TUSC3: variants seen among roughly 807,000 people sequenced by gnomAD.
TUSC3 encodes the protein tumor suppressor candidate 3, also known as dolichyl-diphosphooligosaccharide--protein glycosyltransferase subunit TUSC3.
Under a neutral mutation model 44.8 loss-of-function variants are expected in TUSC3, and 45 were observed. The observed-to-expected ratio is 1.00, with a 90% CI of 0.79 to 1.29. The LOEUF (loss-of-function observed/expected upper bound fraction) is 1.29, where lower values mean the gene tolerates loss of function less well. Ranked by LOEUF, TUSC3 falls within the 50% of genes most tolerant of loss-of-function variation. The pLI, the probability that TUSC3 is intolerant of heterozygous loss-of-function variation, is 0.00. For missense variants in TUSC3, 519 were observed against 437.9 expected, an observed-to-expected ratio of 1.19 and a Z score of -1.65; for synonymous variants, 212 against 152.9, an observed-to-expected ratio of 1.39 and a Z score of -2.85.
chr8:15,496,967 T>C (rs1037897340), intron 2 of TUSC3, among the ~76,000 whole-genome samples: 3 of 152,078 alleles, frequency 2.0e-5, no homozygotes, highest in African/African-American at 7.2e-5. Flanking sequence ...GTTTTAGATA[T>C]TAGGAATACA....
chr8:15,570,264 T>TCA (rs1802823561), intron 1 of TUSC3, among the ~76,000 whole-genome samples: 1 of 81,216 alleles, frequency 1.2e-5, no homozygotes, highest in African/African-American at 3.9e-5. Flanking sequence ...ATAATGTATT[T>TCA]TACACACACA....
chr8:15,508,449 G>A (rs1385664269), intron 2 of TUSC3, among the ~76,000 whole-genome samples: 4 of 139,362 alleles, frequency 2.9e-5, no homozygotes, highest in South Asian at 4.5e-4. Flanking sequence ...TTTAGGAATC[G>A]AAGCTTCCTT....
chr8:15,775,548 G>A, the TUSC3 span, among the ~76,000 whole-genome samples: 1 of 151,590 alleles, frequency 6.6e-6, no homozygotes, highest in African/African-American at 2.4e-5. Context: ...AGAAGACATG[G>A]TTCTCTTATC....
At chr8:15,685,212 G>A (rs946984842) in intron 6 of TUSC3, among the ~76,000 whole-genome samples, 17 of 152,052 alleles carry the variant, frequency 1.1e-4, no homozygotes, top group Admixed American at 1.1e-3. Context: ...TGGGAAACCT[G>A]TAGCTGGGAT....
chr8:15,788,373 C>T, the TUSC3 span, among the ~76,000 whole-genome samples: 2 of 151,834 alleles, frequency 1.3e-5, no homozygotes, highest in African/African-American at 4.8e-5. Context: ...ATGGGGAAAC[C>T]CCCTCTCTAC....
intron 2 of TUSC3, among the ~76,000 whole-genome samples, chr8:15,486,389 T>G (rs938603315): frequency 6.6e-6 from 1 of 152,164 alleles, no homozygotes; most frequent in African/African-American, 2.4e-5. Flanking sequence ...TACTTGGTTT[T>G]AATATTATTT....
At chr8:15,692,959 T>A (rs1808985255) in intron 6 of TUSC3, among the ~76,000 whole-genome samples, 1 of 152,188 alleles carries the variant, frequency 6.6e-6, no homozygotes, top group East Asian at 1.9e-4. Flanking sequence ...ATGTTTTGTC[T>A]GAAATTGGAA....
chr8:15,503,869 G>A (rs750318754), intron 2 of TUSC3, among the ~76,000 whole-genome samples: 1 of 152,004 alleles, frequency 6.6e-6, no homozygotes, highest in Non-Finnish European at 1.5e-5. Context: ...TGGCTCCACA[G>A]CTGGGTGTGG....
chr8:15,617,848 G>A (rs1665925054), intron 1 of TUSC3, among the ~76,000 whole-genome samples: 1 of 152,094 alleles, frequency 6.6e-6, no homozygotes, highest in Admixed American at 6.5e-5. Context: ...CCATTTTTGT[G>A]TTGTCTACTG....
intron 1 of TUSC3, among the ~76,000 whole-genome samples, chr8:15,455,173 A>T (rs1012218254): frequency 4.6e-5 from 7 of 152,148 alleles, no homozygotes; most frequent in African/African-American, 1.2e-4. Context: ...TGGAGATCCT[A>T]GAAAAGTAAA....
At chr8:15,800,199 T>G in the TUSC3 span, among the ~76,000 whole-genome samples, 1 of 152,082 alleles carries the variant, frequency 6.6e-6, no homozygotes, top group African/African-American at 2.4e-5. Flanking sequence ...ATAGAGAAAC[T>G]TACATAAAAG....
At chr8:15,542,464 T>A (rs1434695111) in intron 1 of TUSC3, among the ~76,000 whole-genome samples, 1 of 152,022 alleles carries the variant, frequency 6.6e-6, no homozygotes, top group African/African-American at 2.4e-5. Context: ...GAAGTGGTTT[T>A]TCAGGTTAGC....
chr8:15,806,610 C>A, the TUSC3 span: 2 of 1,447,756 alleles, frequency 1.4e-6, no homozygotes, highest in South Asian at 2.3e-5. Context: ...AAGTGATCAT[C>A]TTCTTCAGAT....
At chr8:15,467,833 C>T (rs536933016) in intron 1 of TUSC3, among the ~76,000 whole-genome samples, 1 of 152,108 alleles carries the variant, frequency 6.6e-6, no homozygotes, top group Non-Finnish European at 1.5e-5. Context: ...ACGTATGCTT[C>T]TAACCTAAAG....
chr8:15,518,964 A>G (rs1801257510), intron 2 of TUSC3, among the ~76,000 whole-genome samples: 1 of 152,194 alleles, frequency 6.6e-6, no homozygotes, highest in East Asian at 1.9e-4. Flanking sequence ...CTAAACTAAA[A>G]TCGAATCAAT....
rs144272482 is a variant in TUSC3 at position 15,730,748 on chromosome 8, G to A, written c.862+19G>A. ...GTACTGAGTATCCTTTTAAGATACC[G>A]ACGAATTGAAAAGGGCAAACTAAAG... On this transcript the variant is annotated intron_variant, in intron 7 of 10. Coordinates refer to ENST00000503731, the MANE Select transcript of TUSC3 (RefSeq NM_006765.4). 1,272 of 1,611,170 alleles carry A rather than the reference G, an allele frequency of 7.9e-4. 12 individuals are homozygous for A. The African/African-American group carries it at 0.014, about 18-fold the overall frequency.
intron 8 of TUSC3, 59 bp from the exon 9 acceptor site, chr8:15,748,316 C>T (rs1345687085): frequency 4.8e-6 from 6 of 1,253,622 alleles, no homozygotes; most frequent in African/African-American, 3.0e-5. Flanking sequence ...AAAATATAAA[C>T]AATTGGGGTT....
chr8:15,504,352 A>G (rs149323971), intron 2 of TUSC3, among the ~76,000 whole-genome samples: 2,805 of 152,020 alleles, frequency 0.018, 38 homozygotes, highest in Non-Finnish European at 0.027. Context: ...TGAGATTTTA[A>G]TAAATTAGTC....
At chr8:15,425,991 G>A (rs912959289) in intron 1 of TUSC3, among the ~76,000 whole-genome samples, 1 of 151,806 alleles carries the variant, frequency 6.6e-6, no homozygotes, top group Non-Finnish European at 1.5e-5. Flanking sequence ...ACTCAAGCCT[G>A]GACAACAGAT....
Sources: allele counts gnomAD v4.1 joint callset (sites outside exome capture counted in the v4.1 genomes callset), GRCh38; gene constraint gnomAD v4.1.1; transcripts MANE v1.5; gene names NCBI Gene and HGNC (gene_info 2026-07-23, HGNC 2026-07-21).